Variants in GPR35 observed in about 807,000 individuals in gnomAD.
GPR35 encodes the protein KYNA receptor.
For missense variants in GPR35, 372 were observed against 422.5 expected, an observed-to-expected ratio of 0.88 and a Z score of 1.05; for synonymous variants, 207 against 198.4, an observed-to-expected ratio of 1.04 and a Z score of -0.36.
At chr2:240,625,974 T>TG (rs1202029095) in intron 1 of GPR35, among the ~76,000 whole-genome samples, 7 of 43,100 alleles carry the variant, frequency 1.6e-4, no homozygotes, top group African/African-American at 4.2e-4. Context: ...GAGGCTGTGA[T>TG]GGGTTCTCAG....
rs760939957 is a variant in GPR35 at position 240,629,975 on chromosome 2, G to A, written c.23G>A (p.Cys8Tyr). MNGTYNT[C>Y]GSSDLTWPPA... ...ACCATGAATGGCACCTACAACACCT[G>A]TGGCTCCAGCGACCTCACCTGGCCC... The change falls in exon 2 of 2, where the codon TGT (cysteine) becomes TAT (tyrosine). Residue 8 changes from cysteine to tyrosine, a missense_variant. By Grantham distance (194) the Cys-to-Tyr change is radical. Transcript: ENST00000407714. 8.1e-6 allele frequency: 13 copies of A among 1,607,048 alleles called. No homozygotes were observed. Among genetic ancestry groups the A allele is most frequent in the African/African-American group, 1.3e-5 (1 of 74,842 alleles).
At chr2:240,606,374 C>A (rs1428833856) in intron 1 of GPR35, 1 of 152,398 alleles carries the variant, frequency 6.6e-6, no homozygotes, top group African/African-American at 2.4e-5. Context: ...GTGTGCCTGT[C>A]TCTGTGTTGC....
In GPR35 at chr2:240,631,332, A is replaced by T. The variant is rs115519330; in HGVS notation, c.*450A>T. On this transcript the variant is annotated 3_prime_UTR_variant, in exon 2 of 2. Transcript: ENST00000407714. ...AGCGCGTGGCTCAGAGGGCTGGCGG[A>T]CATCTTCCAGGGACCCTTCGGGGCT... is the stretch of plus-strand genomic sequence containing the variant. 5.4e-3 allele frequency: 1,106 copies of T among 204,974 alleles called. 6 individuals are homozygous for T. Among genetic ancestry groups the T allele is most frequent in the African/African-American group, 0.023 (976 of 42,624 alleles). 12.7% of individuals were successfully genotyped at this position (204,974 alleles called of 1,614,324 possible).
rs1253992514 is a variant in GPR35 at position 240,632,812 on chromosome 2, G to A, written c.*1930G>A. Among the ~76,000 whole-genome samples the A allele has an allele frequency of 6.6e-6, 1 of 152,226 alleles. No homozygotes were observed. The highest frequency in any genetic ancestry group is 1.5e-5 in the Non-Finnish European group (1 of 68,038). ...CCCAGGAAGGTCCATGTCCAGAAGAGTCCATACCCAGGAGGGCTGATATGG... is the reference window on the plus strand; with the variant it reads ...CCCAGGAAGGTCCATGTCCAGAAGAATCCATACCCAGGAGGGCTGATATGG... On this transcript the variant is annotated 3_prime_UTR_variant, in exon 2 of 2. Coordinates refer to ENST00000407714, the MANE Select transcript of GPR35 (RefSeq NM_005301.5).
At chr2:240,620,376 G>A (rs1054841113) in intron 5 of GPR35, among the ~76,000 whole-genome samples, 29 of 152,274 alleles carry the variant, frequency 1.9e-4, no homozygotes, top group African/African-American at 6.0e-4. Flanking sequence ...GTTCCAAGGC[G>A]TGGAGACGGC....
At chr2:240,627,282 G>C (rs2043389029) in intron 1 of GPR35, among the ~76,000 whole-genome samples, 1 of 152,250 alleles carries the variant, frequency 6.6e-6, no homozygotes, top group African/African-American at 2.4e-5. Context: ...CTGGGCTAAA[G>C]CCTGGGCCTT....
intron 2 of GPR35, among the ~76,000 whole-genome samples, chr2:240,614,022 CTAAT>C (rs989919214): frequency 6.6e-6 from 1 of 151,392 alleles, no homozygotes; most frequent in Non-Finnish European, 1.5e-5. Context: ...AGCCCTAAAC[CTAAT>C]TAACAATGCC....
chr2:240,625,286 A>G, upstream of GPR35: 1 of 985,458 alleles, frequency 1.0e-6, no homozygotes, highest in Non-Finnish European at 1.2e-6. Context: ...GGCTCTTCAG[A>G]GGTGTCAGCA....
At chr2:240,623,474 GTGAGGGCGCAAACAGGT>G (rs2043330292), upstream of GPR35, among the ~76,000 whole-genome samples, 1 of 67,462 alleles carries the variant, frequency 1.5e-5, no homozygotes, top group Non-Finnish European at 3.8e-5. Flanking sequence ...CAAACAGGTC[GTGAGGGCGCAAACAGGT>G]CGTGAGGGTG....
intron 2 of GPR35, among the ~76,000 whole-genome samples, chr2:240,613,189 A>C (rs2043202861): frequency 6.6e-6 from 1 of 152,204 alleles, no homozygotes; most frequent in Non-Finnish European, 1.5e-5. Flanking sequence ...GTGTGGGGAC[A>C]GCAGGCGCTG....
At chr2:240,623,054 G>C (rs111641563), upstream of GPR35, among the ~76,000 whole-genome samples, 1,317 of 119,418 alleles carry the variant, frequency 0.011, 22 homozygotes, top group African/African-American at 0.056. Flanking sequence ...GACCCCAGGC[G>C]ACCGTGCCTG....
At chr2:240,620,856 C>A (rs536452514), upstream of GPR35, among the ~76,000 whole-genome samples, 1 of 152,218 alleles carries the variant, frequency 6.6e-6, no homozygotes, top group Non-Finnish European at 1.5e-5. Context: ...GTTCTCTATA[C>A]ACTTTTATTA....
rs1043854455 is a variant in GPR35 at position 240,625,607 on chromosome 2, G to A, written c.-5+39G>A. ...ACTGCCCTAGGGGCCTCCCAGCGGG[G>A]CAGGGGCATGGTGGGGGTCTCAGAG... is the stretch of plus-strand genomic sequence containing the variant. On this transcript the variant is annotated intron_variant, in intron 1 of 1. Transcript: ENST00000407714. 22 of 947,076 alleles carry A rather than the reference G, an allele frequency of 2.3e-5. No individual in the cohort carries two copies. In the Admixed American group the frequency reaches 3.1e-4, roughly 13 times the overall value. 58.7% of individuals were successfully genotyped at this position (947,076 alleles called of 1,614,324 possible). A position where few individuals can be genotyped will look rare whatever the true frequency, so the allele number is the denominator to read the frequency against.
At chr2:240,609,796 A>G (rs1281587319) in intron 2 of GPR35, among the ~76,000 whole-genome samples, 1 of 152,154 alleles carries the variant, frequency 6.6e-6, no homozygotes, top group Non-Finnish European at 1.5e-5. Context: ...TCTGTGAGTT[A>G]CTGAGATGAG....
chr2:240,606,933 C>T (rs979305400), intron 2 of GPR35, among the ~76,000 whole-genome samples: 2 of 152,102 alleles, frequency 1.3e-5, no homozygotes, highest in African/African-American at 2.4e-5. Context: ...GCTGAAGTCT[C>T]GAGGATGAAT....
At chr2:240,609,622 T>G (rs2043164659) in intron 2 of GPR35, among the ~76,000 whole-genome samples, 1 of 152,216 alleles carries the variant, frequency 6.6e-6, no homozygotes, top group Admixed American at 6.5e-5. Flanking sequence ...GAGGCTTAAT[T>G]TATGGCCTAG....
rs541162874 is a variant in GPR35 at position 240,615,563 on chromosome 2, G to A, written c.-576-825G>A. 2.0e-5 allele frequency among the ~76,000 whole-genome samples: 3 copies of A among 152,338 alleles called. No homozygotes were observed. In the South Asian group the frequency reaches 6.2e-4, roughly 32 times the overall value. On this transcript the variant is annotated intron_variant, in intron 2 of 5. Transcript: ENST00000319838. ...GCCCATCACCCCACCTTTGGCAAGAGCCAAAGAGTCACAACTGATTGTGCT... is the reference window on the plus strand; with the variant it reads ...GCCCATCACCCCACCTTTGGCAAGAACCAAAGAGTCACAACTGATTGTGCT...
Position 240,630,090 on chromosome 2 carries a change from C to G in GPR35, c.138C>G (p.Cys46Trp). ...LLNSLALWVF[C>W]CRMQQWTETR... ...ACAGCCTGGCGCTCTGGGTGTTCTG[C>G]TGCCGCATGCAGCAGTGGACGGAGA... The change falls in exon 2 of 2, where the codon TGC becomes TGG. Residue 46 changes from cysteine to tryptophan, a missense_variant. Coordinates refer to ENST00000407714, the MANE Select transcript of GPR35 (RefSeq NM_005301.5). 3 of 1,610,366 alleles carry G rather than the reference C, an allele frequency of 1.9e-6. No homozygotes were observed. The highest frequency in any genetic ancestry group is 2.5e-6 in the Non-Finnish European group (3 of 1,179,926).
At chr2:240,610,165 G>A (rs1305052486) in intron 2 of GPR35, among the ~76,000 whole-genome samples, 2 of 152,018 alleles carry the variant, frequency 1.3e-5, no homozygotes, top group Admixed American at 6.6e-5. Context: ...TCACCATCTT[G>A]GCCAGGCTGG....
Sources: gnomAD v4.1 joint callset for allele counts (sites outside exome capture counted in the v4.1 genomes callset) on GRCh38, gnomAD v4.1.1 for gene constraint, MANE v1.5 for transcripts, NCBI Gene and HGNC (gene_info 2026-07-23, HGNC 2026-07-21) for gene names.